Variants in RABGAP1 observed in about 807,000 individuals in gnomAD.
RABGAP1 encodes the protein rab GTPase-activating protein 1.
Under a neutral mutation model 137.6 loss-of-function variants are expected in RABGAP1, and 23 were observed. The observed-to-expected ratio is 0.17, with a 90% confidence interval of 0.12 to 0.24. The LOEUF (loss-of-function observed/expected upper bound fraction) is 0.24. Ranked by LOEUF, RABGAP1 falls within the 10% of genes least tolerant of loss-of-function variation. The probability of loss-of-function intolerance (pLI) is 1.00; values close to 1 mark genes in which losing one functional copy is unlikely to be tolerated. For synonymous variants in RABGAP1, 451 were observed against 450.7 expected, an observed-to-expected ratio of 1.00 and a Z score of -0.01; for missense variants, 906 against 1,275.8, an observed-to-expected ratio of 0.71 and a Z score of 4.42.
rs2302590 is a variant in RABGAP1, at chr9:123,099,462, A to C, written c.2818-16A>C. On this transcript the variant is annotated splice_polypyrimidine_tract_variant and intron_variant, in intron 23 of 25. Transcript: ENST00000373647. Reference sequence around the variant, plus strand: ...CAATTGCTCAAGAGATTGTTGTTTTATATTTGTTTCTTTAGATTTGTTCTC... The same window carrying C: ...CAATTGCTCAAGAGATTGTTGTTTTCTATTTGTTTCTTTAGATTTGTTCTC... The C allele has an allele frequency of 0.057, 90,083 of 1,592,192 alleles. 11,122 individuals are homozygous for C. Among genetic ancestry groups the C allele is most frequent in the East Asian group, 0.56 (25,241 of 44,704 alleles).
At chr9:122,965,366 C>T (rs1296443161) in intron 2 of RABGAP1, among the ~76,000 whole-genome samples, 4 of 152,050 alleles carry the variant, frequency 2.6e-5, no homozygotes, top group Non-Finnish European at 5.9e-5. Flanking sequence ...GTATATTGTG[C>T]TGCTTTTTAC....
At chr9:122,990,504 TCA>T (rs1412384297) in intron 6 of RABGAP1, 7 of 194,366 alleles carry the variant, frequency 3.6e-5, no homozygotes, top group African/African-American at 1.7e-4. Context: ...GCGCTGTGGC[TCA>T]CACCTGTAAT....
At chr9:123,093,543 T>C (rs2035093257) in intron 21 of RABGAP1, among the ~76,000 whole-genome samples, 1 of 152,224 alleles carries the variant, frequency 6.6e-6, no homozygotes, top group Non-Finnish European at 1.5e-5. Flanking sequence ...AGCTCCTTAT[T>C]AGTTCTGTGA....
At chr9:122,936,998 A>T (rs1217030768), upstream of RABGAP1, among the ~76,000 whole-genome samples, 3 of 152,248 alleles carry the variant, frequency 2.0e-5, no homozygotes, top group African/African-American at 4.8e-5. Context: ...CAGATTCACC[A>T]CATTATGAGA....
chr9:123,078,421 G>A (rs1397699717), intron 19 of RABGAP1, among the ~76,000 whole-genome samples: 1 of 152,100 alleles, frequency 6.6e-6, no homozygotes, highest in African/African-American at 2.4e-5. Context: ...GATATCGTAT[G>A]TACAGTGTTT....
intron 2 of RABGAP1, among the ~76,000 whole-genome samples, chr9:122,969,693 A>G (rs1835370009): frequency 6.6e-6 from 1 of 151,440 alleles, no homozygotes; most frequent in Non-Finnish European, 1.5e-5. Flanking sequence ...TTCCTAACAC[A>G]TTTTTTTTGC....
intron 1 of RABGAP1, among the ~76,000 whole-genome samples, chr9:122,943,554 C>T (rs545890963): frequency 8.1e-4 from 123 of 152,262 alleles, no homozygotes; most frequent in Non-Finnish European, 9.0e-4. Context: ...TGTTTCCTAC[C>T]TTTTCTGCTG....
intron 19 of RABGAP1, among the ~76,000 whole-genome samples, chr9:123,088,202 C>T (rs1176000698): frequency 1.3e-5 from 2 of 151,948 alleles, no homozygotes; most frequent in Admixed American, 1.3e-4. Flanking sequence ...AGGCACATGC[C>T]ACCATACCTG....
chr9:123,004,474 G>A (rs892263082), intron 10 of RABGAP1, among the ~76,000 whole-genome samples: 4 of 151,774 alleles, frequency 2.6e-5, no homozygotes, highest in African/African-American at 9.7e-5. Flanking sequence ...TTGGAGAGAC[G>A]GAGTTTCACC....
intron 24 of RABGAP1, 139 bp downstream of exon 24, chr9:123,099,688 A>G: frequency 4.5e-6 from 3 of 673,754 alleles, no homozygotes; most frequent in Non-Finnish European, 7.7e-6. Context: ...GTCCTGGCTC[A>G]GTAGTTGACA....
intron 1 of RABGAP1, among the ~76,000 whole-genome samples, chr9:122,948,814 A>G (rs1055815898): frequency 6.6e-6 from 1 of 152,204 alleles, no homozygotes; most frequent in Non-Finnish European, 1.5e-5. Flanking sequence ...CAGTACATGC[A>G]TGTAGAGTAG....
rs767922617 is a variant in RABGAP1 at position 123,055,707 on chromosome 9, G to A, written c.1795-9641G>A. Among the ~76,000 whole-genome samples, 13 of 151,880 alleles carry A rather than the reference G, an allele frequency of 8.6e-5. No homozygotes were observed. In the South Asian group the frequency reaches 1.5e-3, roughly 17 times the overall value. The stretch of plus-strand genomic sequence containing the variant: ...TGGGATTACAGGCTCCTGCCATCAC[G>A]CCTGGCTAATTTTTGTATTTTTAGT... On this transcript the variant is annotated intron_variant, in intron 13 of 25. Coordinates refer to ENST00000373647, the MANE Select transcript of RABGAP1 (RefSeq NM_012197.4).
chr9:123,035,111 C>T (rs1336308949), intron 13 of RABGAP1: 15 of 1,613,798 alleles, frequency 9.3e-6, no homozygotes, highest in East Asian at 2.2e-5. Context: ...CAGTGGTGTG[C>T]GGAGTCCTGG....
rs577474947 is a variant in RABGAP1, at chr9:123,025,543, C to CTTTTTTTTTT, written c.1794+5092_1794+5101dup. Among the ~76,000 whole-genome samples the CTTTTTTTTTT allele has an allele frequency of 3.3e-4, 25 of 75,008 alleles. 2 individuals are homozygous for CTTTTTTTTTT. Among genetic ancestry groups the CTTTTTTTTTT allele is most frequent in the African/African-American group, 5.8e-4 (13 of 22,432 alleles). 49.2% of individuals were successfully genotyped at this position (75,008 alleles called of 152,430 possible). A position where few individuals can be genotyped will look rare whatever the true frequency, so the allele number is the denominator to read the frequency against. Reference sequence around the variant, plus strand: ...TTTTATTTGTTCAGATCTTTCTTTTCTTTTTTTTTTTTTTTTTGCCTTCAA... The same window carrying CTTTTTTTTTT: ...TTTTATTTGTTCAGATCTTTCTTTTCTTTTTTTTTTTTTTTTTTTTTTTTTTTGCCTTCAA... On this transcript the variant is annotated intron_variant, in intron 13 of 25. Transcript: ENST00000373647.
At chr9:123,041,471 C>A (rs1260757195) in intron 13 of RABGAP1, among the ~76,000 whole-genome samples, 1 of 152,198 alleles carries the variant, frequency 6.6e-6, no homozygotes, top group Non-Finnish European at 1.5e-5. Context: ...AAATCCAATT[C>A]TTTGACTCTA....
chr9:123,008,138 G>A (rs2030469386), intron 10 of RABGAP1, among the ~76,000 whole-genome samples: 2 of 152,080 alleles, frequency 1.3e-5, no homozygotes, highest in Non-Finnish European at 2.9e-5. Flanking sequence ...TAGAGTCCTT[G>A]GCTTACAAGT....
intron 2 of RABGAP1, among the ~76,000 whole-genome samples, chr9:122,965,422 C>T (rs1048561408): frequency 2.6e-5 from 4 of 152,112 alleles, no homozygotes; most frequent in African/African-American, 7.2e-5. Context: ...AGTCTCTTGT[C>T]GCCCAGGCTG....
At chr9:123,035,512 A>C in intron 13 of RABGAP1, 1 of 1,613,796 alleles carries the variant, frequency 6.2e-7, no homozygotes, top group South Asian at 1.1e-5. Context: ...AAGAGGACTA[A>C]AGCGCCTCTC....
At chr9:122,990,797 ATATATAT>A (rs1461250501) in intron 6 of RABGAP1, 143 of 31,730 alleles carry the variant, frequency 4.5e-3, no homozygotes, top group East Asian at 0.027. Context: ...AAAAAAAAAA[ATATATAT>A]ATATATATAT....
Sources: allele counts gnomAD v4.1 joint callset (sites outside exome capture counted in the v4.1 genomes callset), GRCh38; gene constraint gnomAD v4.1.1; transcripts MANE v1.5; gene names NCBI Gene and HGNC (gene_info 2026-07-23, HGNC 2026-07-21).